The following NDUFAF7 variants were observed in gnomAD, a reference collection of about 807,000 sequenced individuals.
NDUFAF7 encodes NADH:ubiquinone oxidoreductase complex assembly factor 7.
A neutral mutation model predicts 47.2 loss-of-function variants in NDUFAF7; 48 were observed. The ratio of observed to expected loss-of-function variants is 1.02; its 90% confidence interval spans 0.81 to 1.29. The LOEUF (loss-of-function observed/expected upper bound fraction) is 1.29. NDUFAF7 is among the 50% of genes most tolerant of loss of function. The probability of loss-of-function intolerance (pLI) is 0.00; values close to 1 mark genes in which losing one functional copy is unlikely to be tolerated. For synonymous variants in NDUFAF7, 217 were observed against 190.0 expected (o/e 1.14, Z -1.17); for missense variants, 635 against 537.6 (o/e 1.18, Z -1.79).
chr2:37,242,313 C>G, intron 5 of NDUFAF7: 2 of 289,212 alleles, frequency 6.9e-6, no homozygotes, highest in South Asian at 7.2e-5. Context: ...CCTCAGCCTT[C>G]TCAGGCTGAG....
the NDUFAF7 span, among the ~76,000 whole-genome samples, chr2:37,262,806 AG>A: frequency 6.6e-6 from 1 of 152,104 alleles, no homozygotes; most frequent in African/African-American, 2.4e-5. Context: ...AGTATGTTTT[AG>A]TAAGTTATAC....
At chr2:37,235,291 T>C (rs1274111568) in intron 2 of NDUFAF7, among the ~76,000 whole-genome samples, 3 of 151,534 alleles carry the variant, frequency 2.0e-5, no homozygotes, top group Admixed American at 6.6e-5. Flanking sequence ...TCTGGAGATA[T>C]AATATTCATA....
the NDUFAF7 span, among the ~76,000 whole-genome samples, chr2:37,262,116 C>T: frequency 1.3e-5 from 2 of 151,846 alleles, no homozygotes; most frequent in African/African-American, 4.8e-5. Flanking sequence ...GAGATATGAC[C>T]CCGTCGCAAA....
chr2:37,238,584 CTT>C (rs1666034251), intron 4 of NDUFAF7, among the ~76,000 whole-genome samples: 1 of 150,594 alleles, frequency 6.6e-6, no homozygotes, highest in African/African-American at 2.5e-5. Flanking sequence ...GACCTCGTCT[CTT>C]TTTATATTAA....
downstream of NDUFAF7, chr2:37,256,975 A>G: frequency 1.3e-6 from 2 of 1,593,664 alleles, no homozygotes; most frequent in Non-Finnish European, 1.7e-6. Flanking sequence ...AGTGTTATAT[A>G]TGTAACTACC....
At chr2:37,269,555 T>G in the NDUFAF7 span, 1 of 1,441,826 alleles carries the variant, frequency 6.9e-7, no homozygotes, top group Non-Finnish European at 9.8e-7. Flanking sequence ...TGGCAGATGT[T>G]TTACATTTTC....
chr2:37,239,009 T>G (rs1042146691), intron 4 of NDUFAF7, among the ~76,000 whole-genome samples: 1 of 151,778 alleles, frequency 6.6e-6, no homozygotes, highest in African/African-American at 2.4e-5. Context: ...AAAAAAAAGC[T>G]AAAAGTCTGT....
chr2:37,237,050 A>G (rs1665869168), intron 3 of NDUFAF7, among the ~76,000 whole-genome samples: 2 of 152,034 alleles, frequency 1.3e-5, no homozygotes, highest in African/African-American at 4.8e-5. Context: ...GGCTCACTGT[A>G]ACCTCTGCTT....
downstream of NDUFAF7, among the ~76,000 whole-genome samples, chr2:37,254,886 A>C (rs1287148512): frequency 6.6e-6 from 1 of 152,212 alleles, no homozygotes; most frequent in African/African-American, 2.4e-5. Context: ...TTTAGTGTAC[A>C]TGGTGAGTTC....
the NDUFAF7 span, chr2:37,268,361 A>G: frequency 2.1e-6 from 1 of 470,806 alleles, no homozygotes; most frequent in Admixed American, 2.4e-5. Context: ...ACTACTCTTA[A>G]AACTGACAAA....
At chr2:37,251,554 A>T (rs990894195), downstream of NDUFAF7, 23 of 152,500 alleles carry the variant, frequency 1.5e-4, 1 homozygote, top group Admixed American at 1.0e-3. Context: ...TTTAGTCTAG[A>T]CAGGAGACTA....
the NDUFAF7 span, chr2:37,267,578 C>T: frequency 7.2e-7 from 1 of 1,380,530 alleles, no homozygotes; most frequent in Non-Finnish European, 1.0e-6. Flanking sequence ...AGCAAACTGA[C>T]AGCTTTATTA....
the NDUFAF7 span, chr2:37,269,398 A>C: frequency 3.6e-6 from 2 of 548,972 alleles, no homozygotes; most frequent in Non-Finnish European, 6.5e-6. Context: ...ACACACTGTA[A>C]AATTTTCTGA....
At chr2:37,247,309 C>T (rs1667033446) in intron 8 of NDUFAF7, 147 bp from the exon 9 acceptor site, 1 of 930,006 alleles carries the variant, frequency 1.1e-6, no homozygotes, top group Non-Finnish European at 1.7e-6. Context: ...AAAACACTGC[C>T]TAGGTGTTCC....
chr2:37,241,296 G>T (rs1201125064), intron 4 of NDUFAF7, among the ~76,000 whole-genome samples: 2 of 152,058 alleles, frequency 1.3e-5, no homozygotes, highest in Non-Finnish European at 2.9e-5. Flanking sequence ...TCCATAATCT[G>T]AATCATTGTT....
At chr2:37,258,908 G>A in the NDUFAF7 span, among the ~76,000 whole-genome samples, 1 of 152,122 alleles carries the variant, frequency 6.6e-6, no homozygotes, top group African/African-American at 2.4e-5. Context: ...GAGCTGATCG[G>A]AGGAATCATC....
chr2:37,244,345 C>T (rs572602946), intron 7 of NDUFAF7, among the ~76,000 whole-genome samples: 8 of 152,278 alleles, frequency 5.3e-5, no homozygotes, highest in Admixed American at 3.3e-4. Context: ...TAACAGCTAA[C>T]GTTTGTTGAG....
At chr2:37,268,372 T>C in the NDUFAF7 span, 3 of 470,722 alleles carry the variant, frequency 6.4e-6, no homozygotes, top group Non-Finnish European at 1.3e-5. Context: ...AACTGACAAA[T>C]CTGAAGTTGC....
chr2:37,249,608 G>T (rs1667305762), downstream of NDUFAF7, among the ~76,000 whole-genome samples: 1 of 111,472 alleles, frequency 9.0e-6, no homozygotes, highest in African/African-American at 4.0e-5. Context: ...CACACAGAGG[G>T]GAGATCGCTC....
Sources: gnomAD v4.1 joint callset for allele counts (sites outside exome capture counted in the v4.1 genomes callset) on GRCh38, gnomAD v4.1.1 for gene constraint, MANE v1.5 for transcripts, NCBI Gene and HGNC (gene_info 2026-07-23, HGNC 2026-07-21) for gene names.